Variants in IMMP2L observed in about 807,000 individuals in gnomAD.
IMMP2L encodes inner mitochondrial membrane peptidase subunit 2.
In IMMP2L, 18 loss-of-function variants were observed where a neutral mutation model predicts 19.3. The observed-to-expected ratio is 0.93, with a 90% CI of 0.64 to 1.38. The LOEUF is 1.38. Among genes scored for constraint, IMMP2L ranks in the 40% most tolerant of loss-of-function variants. The pLI is 0.00. For synonymous variants in IMMP2L, 76 were observed against 73.0 expected, an observed-to-expected ratio of 1.04 and a Z score of -0.21; for missense variants, 233 against 218.2, an observed-to-expected ratio of 1.07 and a Z score of -0.43.
At position 111,229,323 on chromosome 7, in the gene IMMP2L, T is replaced by C. The variant is rs80129096; in HGVS notation, c.239+257915A>G. 3.3e-4 allele frequency among the ~76,000 whole-genome samples: 50 copies of C among 152,172 alleles called. 1 individual carries two copies. In the East Asian group the frequency reaches 9.1e-3, roughly 28 times the overall value. ...CTGACCATGAAACAGAAACTTAGGA[T>C]AGTAAGTGATACGTATGTATCCATT... is the stretch of plus-strand genomic sequence containing the variant. On this transcript the variant is annotated intron_variant, in intron 3 of 5. Coordinates refer to ENST00000405709, the MANE Select transcript of IMMP2L (RefSeq NM_032549.4).
chr7:111,029,946 A>C (rs2129568543), intron 3 of IMMP2L, among the ~76,000 whole-genome samples: 1 of 152,306 alleles, frequency 6.6e-6, no homozygotes, highest in Admixed American at 6.5e-5. Flanking sequence ...AAAGGGAACA[A>C]AAAGGCAGTC....
intron 5 of IMMP2L, among the ~76,000 whole-genome samples, chr7:110,811,359 T>G (rs369883101): frequency 2.0e-5 from 3 of 151,972 alleles, no homozygotes; most frequent in Non-Finnish European, 2.9e-5. Context: ...ATCCTAAAAA[T>G]CAAATCTATG....
intron 3 of IMMP2L, among the ~76,000 whole-genome samples, chr7:110,972,506 A>G (rs1820249335): frequency 6.6e-6 from 1 of 152,048 alleles, no homozygotes; most frequent in Non-Finnish European, 1.5e-5. Context: ...GAGGGGGGAA[A>G]GAGCTAGAGA....
chr7:111,282,386 C>T (rs1349637957), intron 3 of IMMP2L, among the ~76,000 whole-genome samples: 1 of 152,188 alleles, frequency 6.6e-6, no homozygotes, highest in Non-Finnish European at 1.5e-5. Flanking sequence ...TGCTCCCTTA[C>T]TCCCCATTCC....
chr7:110,834,651 C>T (rs1804270754), intron 5 of IMMP2L, among the ~76,000 whole-genome samples: 2 of 152,024 alleles, frequency 1.3e-5, no homozygotes, highest in Admixed American at 1.3e-4. Context: ...ATTTGCTGTA[C>T]AATCAAAAAC....
At chr7:111,000,155 G>A (rs1275046891) in intron 3 of IMMP2L, among the ~76,000 whole-genome samples, 1 of 152,104 alleles carries the variant, frequency 6.6e-6, no homozygotes, top group East Asian at 1.9e-4. Flanking sequence ...TTGGGGAGAG[G>A]AATGGAGGCA....
chr7:111,013,248 A>G (rs1335264300), intron 3 of IMMP2L, among the ~76,000 whole-genome samples: 1 of 152,156 alleles, frequency 6.6e-6, no homozygotes, highest in Admixed American at 6.6e-5. Flanking sequence ...ATTGAGAACC[A>G]CTTAAGAGTT....
intron 3 of IMMP2L, among the ~76,000 whole-genome samples, chr7:111,293,841 T>C (rs1455065695): frequency 6.6e-6 from 1 of 151,918 alleles, no homozygotes; most frequent in Non-Finnish European, 1.5e-5. Context: ...GGTAAATAAC[T>C]GTTCAGTGTA....
At chr7:111,085,414 T>A (rs1247931259) in intron 3 of IMMP2L, among the ~76,000 whole-genome samples, 1 of 152,194 alleles carries the variant, frequency 6.6e-6, no homozygotes, top group Non-Finnish European at 1.5e-5. Flanking sequence ...AGATTGAAGC[T>A]AGTTGATTAG....
At chr7:110,969,024 A>G (rs1258426243) in intron 3 of IMMP2L, among the ~76,000 whole-genome samples, 1 of 152,148 alleles carries the variant, frequency 6.6e-6, no homozygotes, top group African/African-American at 2.4e-5. Context: ...TGGGAGAACA[A>G]GAAAAGCATT....
At position 111,470,766 on chromosome 7, in the gene IMMP2L, C is replaced by T. The variant is rs866831403; in HGVS notation, c.239+16472G>A. ...GGGAGGGATAGCATTAGGAGATATA[C>T]CTAATGCTAAATGACGAGTTAATGG... On this transcript the variant is annotated intron_variant, in intron 3 of 5. Coordinates refer to ENST00000405709, the MANE Select transcript of IMMP2L (RefSeq NM_032549.4). Among the ~76,000 whole-genome samples, 560 of 149,358 alleles carry T rather than the reference C, an allele frequency of 3.7e-3. 4 individuals carry two copies. Among genetic ancestry groups the T allele is most frequent in the Middle Eastern group, 0.024 (7 of 288 alleles).
chr7:110,675,042 T>C (rs1792196010), intron 5 of IMMP2L, among the ~76,000 whole-genome samples: 1 of 152,214 alleles, frequency 6.6e-6, no homozygotes, highest in African/African-American at 2.4e-5. Flanking sequence ...TATCCAGTTC[T>C]ACCCAATATA....
chr7:111,503,088 A>T (rs1844474893), intron 2 of IMMP2L, among the ~76,000 whole-genome samples: 1 of 152,118 alleles, frequency 6.6e-6, no homozygotes, highest in Non-Finnish European at 1.5e-5. Flanking sequence ...ACTAATAAAG[A>T]AAAAAAGAGA....
intron 3 of IMMP2L, among the ~76,000 whole-genome samples, chr7:111,440,505 AGTAGGTCTC>A (rs1341243849): frequency 2.3e-4 from 35 of 152,046 alleles, no homozygotes; most frequent in Non-Finnish European, 8.8e-5. Context: ...GCTTCTGAGC[AGTAGGTCTC>A]AAGAATGAGC....
At chr7:110,944,447 TAGAG>T (rs1241124648) in intron 4 of IMMP2L, among the ~76,000 whole-genome samples, 2 of 147,612 alleles carry the variant, frequency 1.4e-5, no homozygotes, top group African/African-American at 4.9e-5. Flanking sequence ...CTCAAGCACA[TAGAG>T]TGTGTGTGTG....
intron 3 of IMMP2L, among the ~76,000 whole-genome samples, chr7:111,005,777 A>C (rs192280178): frequency 3.3e-5 from 5 of 152,250 alleles, no homozygotes; most frequent in Admixed American, 2.6e-4. Context: ...AAAGAATGCA[A>C]GTTTATTCTT....
chr7:110,931,190 A>C (rs113330188), intron 4 of IMMP2L, among the ~76,000 whole-genome samples: 1 of 152,192 alleles, frequency 6.6e-6, no homozygotes, highest in African/African-American at 2.4e-5. Flanking sequence ...GTTTTGCAGG[A>C]AAGTTCCAAA....
At chr7:111,467,653 T>C (rs1308788322) in intron 3 of IMMP2L, among the ~76,000 whole-genome samples, 1 of 152,220 alleles carries the variant, frequency 6.6e-6, no homozygotes, top group Non-Finnish European at 1.5e-5. Context: ...TGCTTTAGTT[T>C]TGAGAAAAGG....
At chr7:111,121,557 A>G (rs867491377) in intron 3 of IMMP2L, among the ~76,000 whole-genome samples, 4 of 152,176 alleles carry the variant, frequency 2.6e-5, no homozygotes, top group South Asian at 2.1e-4. Context: ...TTAGAATGGC[A>G]ATCATTAAAA....
Sources: gnomAD v4.1 joint callset for allele counts (sites outside exome capture counted in the v4.1 genomes callset) on GRCh38, gnomAD v4.1.1 for gene constraint, MANE v1.5 for transcripts, NCBI Gene and HGNC (gene_info 2026-07-23, HGNC 2026-07-21) for gene names.